Variants in MBD5 observed in about 807,000 individuals in gnomAD.
MBD5 encodes the protein methyl-CpG binding domain protein 5, also known as methyl-CpG-binding domain protein 5.
A neutral mutation model predicts 117.3 loss-of-function variants in MBD5; 13 were observed. The ratio of observed to expected loss-of-function variants is 0.11; its 90% CI spans 0.07 to 0.18. MBD5 has a LOEUF of 0.18. Among genes scored for constraint, MBD5 ranks in the 10% least tolerant of loss-of-function variants. The pLI is 1.00. For synonymous variants in MBD5, 727 were observed against 766.4 expected (o/e 0.95, Z 0.85); for missense variants, 1,879 against 2,093.8 (o/e 0.90, Z 2.00).
chr2:148,473,413 G>GA (rs1417746918), intron 8 of MBD5, among the ~76,000 whole-genome samples: 1 of 151,980 alleles, frequency 6.6e-6, no homozygotes, highest in African/African-American at 2.4e-5. Flanking sequence ...CAGTGAGGAT[G>GA]AAAAAAACCA....
intron 1 of MBD5, among the ~76,000 whole-genome samples, chr2:148,066,270 C>A (rs971768861): frequency 6.6e-6 from 1 of 152,104 alleles, no homozygotes; most frequent in Non-Finnish European, 1.5e-5. Context: ...CACACCACTA[C>A]ACTCCAAATC....
intron 4 of MBD5, among the ~76,000 whole-genome samples, chr2:148,355,403 T>G (rs1703356200): frequency 6.6e-6 from 1 of 152,126 alleles, no homozygotes. Context: ...CTAGGGTTTT[T>G]ATAGTTTTAG....
At chr2:148,404,902 T>C (rs968729661) in intron 4 of MBD5, among the ~76,000 whole-genome samples, 5 of 152,176 alleles carry the variant, frequency 3.3e-5, no homozygotes, top group South Asian at 4.1e-4. Context: ...ATTTGAAATA[T>C]AATTTTATTT....
At chr2:148,079,418 GA>G (rs1695587100) in intron 1 of MBD5, among the ~76,000 whole-genome samples, 1 of 152,124 alleles carries the variant, frequency 6.6e-6, no homozygotes, top group Non-Finnish European at 1.5e-5. Context: ...TAGAGAAAGT[GA>G]AGCTTCATAT....
At chr2:148,236,904 T>C (rs1466807571) in intron 3 of MBD5, among the ~76,000 whole-genome samples, 1 of 152,224 alleles carries the variant, frequency 6.6e-6, no homozygotes, top group Non-Finnish European at 1.5e-5. Flanking sequence ...TGATTTTAGC[T>C]AGAGCTTCTA....
chr2:148,356,887 C>CTCTT (rs1553504872), intron 4 of MBD5, among the ~76,000 whole-genome samples: 2 of 150,864 alleles, frequency 1.3e-5, no homozygotes, highest in African/African-American at 4.9e-5. Context: ...CACATTTTTT[C>CTCTT]TCTTTTCTTT....
intron 2 of MBD5, among the ~76,000 whole-genome samples, chr2:148,230,357 G>A (rs1699954258): frequency 1.3e-5 from 2 of 152,148 alleles, no homozygotes; most frequent in South Asian, 4.1e-4. Flanking sequence ...AGGGAGTGCT[G>A]TACCACTGAT....
At chr2:148,238,793 C>T (rs1010239972) in intron 3 of MBD5, among the ~76,000 whole-genome samples, 2 of 152,076 alleles carry the variant, frequency 1.3e-5, no homozygotes, top group African/African-American at 4.8e-5. Context: ...TTGCGTTCAT[C>T]ATCACATGGC....
chr2:148,511,565 A>G (rs1012807960), intron 13 of MBD5, among the ~76,000 whole-genome samples: 1 of 152,254 alleles, frequency 6.6e-6, no homozygotes, highest in Non-Finnish European at 1.5e-5. Context: ...CTAGAAGTCT[A>G]GAAGTAAATT....
At chr2:148,364,689 A>T (rs899824405) in intron 4 of MBD5, among the ~76,000 whole-genome samples, 2 of 152,208 alleles carry the variant, frequency 1.3e-5, no homozygotes, top group African/African-American at 4.8e-5. Context: ...AGGGGTTGCA[A>T]TCCTAGTCTC....
chr2:148,469,075 C>A lies in MBD5; in HGVS notation c.1132C>A (p.Pro378Thr). The A allele has an allele frequency of 6.2e-7, 1 of 1,613,994 alleles. No homozygotes were observed. Among genetic ancestry groups the A allele is most frequent in the Non-Finnish European group, 8.5e-7 (1 of 1,179,962 alleles). Residue 378 changes from proline to threonine, a missense_variant, in exon 8 of 14, where the codon CCA becomes ACA. Coordinates refer to ENST00000642680, the MANE Select transcript of MBD5 (RefSeq NM_001378120.1). ...GAATCAGAACCCTGTTATCATTAAT[C>A]CAACCAGTTTCCATTCAAATGTCCA... ...PVNQNPVIIN[P>T]TSFHSNVHSQ...
chr2:148,386,812 T>G (rs1362347406), intron 4 of MBD5, among the ~76,000 whole-genome samples: 5 of 151,594 alleles, frequency 3.3e-5, no homozygotes. Flanking sequence ...AAATCTAAGA[T>G]GAACTGTACC....
chr2:148,390,741 T>C (rs1445397019), intron 4 of MBD5, among the ~76,000 whole-genome samples: 3 of 151,928 alleles, frequency 2.0e-5, no homozygotes, highest in African/African-American at 7.3e-5. Flanking sequence ...CCCAGCTAAA[T>C]TTTTGTAGAG....
At chr2:148,294,941 G>C (rs1453945784) in intron 3 of MBD5, among the ~76,000 whole-genome samples, 3 of 152,082 alleles carry the variant, frequency 2.0e-5, no homozygotes, top group Non-Finnish European at 4.4e-5. Flanking sequence ...AGCTTCCCTT[G>C]TATGTGAGAA....
intron 1 of MBD5, among the ~76,000 whole-genome samples, chr2:148,078,914 T>G (rs1294055792): frequency 1.3e-5 from 2 of 152,202 alleles, no homozygotes; most frequent in South Asian, 2.1e-4. Context: ...ATTATTTTAT[T>G]AATTGCCCCA....
intron 1 of MBD5, among the ~76,000 whole-genome samples, chr2:148,153,989 G>T (rs1574073874): frequency 8.1e-6 from 1 of 124,060 alleles, no homozygotes; most frequent in South Asian, 3.3e-4. Context: ...GTGAGGAACT[G>T]CGTTCCTTTG....
At chr2:148,276,564 ACAT>A (rs1701118570) in intron 3 of MBD5, among the ~76,000 whole-genome samples, 1 of 152,204 alleles carries the variant, frequency 6.6e-6, no homozygotes, top group South Asian at 2.1e-4. Flanking sequence ...CCATTCATTT[ACAT>A]TATTTAAAAT....
At chr2:148,365,364 C>G (rs1290296965) in intron 4 of MBD5, among the ~76,000 whole-genome samples, 2 of 152,024 alleles carry the variant, frequency 1.3e-5, no homozygotes, top group Non-Finnish European at 2.9e-5. Flanking sequence ...TTTATAGCAC[C>G]AAATGCCCAC....
rs536915664 is a variant in MBD5, at chr2:148,230,791, C to A, written c.-830-2454C>A. Among the ~76,000 whole-genome samples, 12 of 152,180 alleles carry A rather than the reference C, an allele frequency of 7.9e-5. No individual in the cohort carries two copies. In the South Asian group the frequency reaches 2.5e-3, roughly 32 times the overall value. ...GAATGCTGCCAGGACTGGGTTCTTC[C>A]GTTCAAGGCAGCAGGTTGCCTTGTT... is the stretch of plus-strand genomic sequence containing the variant. On this transcript the variant is annotated intron_variant, in intron 2 of 13. Coordinates refer to ENST00000642680, the MANE Select transcript of MBD5 (RefSeq NM_001378120.1).
Sources: gnomAD v4.1 joint callset for allele counts (sites outside exome capture counted in the v4.1 genomes callset) on GRCh38, gnomAD v4.1.1 for gene constraint, MANE v1.5 for transcripts, NCBI Gene and HGNC (gene_info 2026-07-23, HGNC 2026-07-21) for gene names.